The following PSMD6 variants were observed in gnomAD, a reference collection of about 807,000 sequenced individuals.
PSMD6 encodes the protein proteasome 26S subunit, non-ATPase 6, also known as 26S proteasome non-ATPase regulatory subunit 6.
Under a neutral mutation model 44.9 loss-of-function variants are expected in PSMD6, and 7 were observed. The ratio of observed to expected loss-of-function variants is 0.16; its 90% CI spans 0.09 to 0.29. PSMD6 has a LOEUF of 0.29. PSMD6 is among the 10% of genes least tolerant of loss of function. The pLI is 1.00. For missense variants in PSMD6, 420 were observed against 482.6 expected, an observed-to-expected ratio of 0.87 and a Z score of 1.21; for synonymous variants, 184 against 172.7, an observed-to-expected ratio of 1.07 and a Z score of -0.51.
chr3:64,018,214 C>T (rs2076077512), intron 5 of PSMD6: 3 of 158,402 alleles, frequency 1.9e-5, no homozygotes, highest in Admixed American at 6.2e-5. Context: ...CCATGAAGCT[C>T]AATACTTAAT....
Position 64,018,970 on chromosome 3 carries a change from C to T in PSMD6, c.565G>A (p.Val189Met), listed in dbSNP as rs779524584. The T allele has an allele frequency of 1.9e-6, 3 of 1,612,844 alleles. No individual in the cohort carries two copies. Among genetic ancestry groups the T allele is most frequent in the Non-Finnish European group, 2.5e-6 (3 of 1,178,898 alleles). Residue 189 changes from valine to methionine, a missense_variant, in exon 4 of 8, where the codon GTG becomes ATG. Physicochemically the swap from Val to Met is conservative, Grantham distance 21. Around this residue, in one of 4 missense-constraint regions of PSMD6, gnomAD observed 216 missense variants for 227.0 expected, o/e 0.95. Transcript: ENST00000295901. ...RLKVYQGLYCVAIRDFKQAAE... is the reference protein window; with the variant it reads ...RLKVYQGLYCMAIRDFKQAAE... Reference sequence around the variant, plus strand: ...GCCTGTTTGAAATCACGAATAGCCACACAATAAAGACCCTGATACACTTTT... The same window carrying T: ...GCCTGTTTGAAATCACGAATAGCCATACAATAAAGACCCTGATACACTTTT...
chr3:64,013,659 A>C (rs1312215950), intron 5 of PSMD6, 52 bp from the exon 6 acceptor site: 2 of 1,497,454 alleles, frequency 1.3e-6, no homozygotes, highest in African/African-American at 2.8e-5. Context: ...TCAGATAAAA[A>C]GATTAAAAAC....
chr3:64,013,631 T>TATA, intron 5 of PSMD6, 24 bp from the exon 6 acceptor site: 2 of 1,579,190 alleles, frequency 1.3e-6, no homozygotes, highest in East Asian at 2.3e-5. Context: ...AATGACAAAT[T>TATA]ATAATAGACT....
upstream of PSMD6, chr3:64,023,794 A>T (rs1275281870): frequency 6.8e-7 from 1 of 1,475,322 alleles, no homozygotes; most frequent in Admixed American, 2.0e-5. Context: ...AGCATTAATA[A>T]AAACAATCAC....
At position 64,013,588 on chromosome 3, in the gene PSMD6, C is replaced by A; in HGVS notation, c.846G>T (p.Met282Ile). The change falls in exon 6 of 8, where the codon ATG becomes ATT. Residue 282 changes from methionine (M) to isoleucine (I), a missense_variant. Physicochemically the swap from Met to Ile is conservative, Grantham distance 10. Around this residue, in one of 4 missense-constraint regions of PSMD6, gnomAD observed 216 missense variants for 227.0 expected, o/e 0.95. Coordinates refer to ENST00000295901, the MANE Select transcript of PSMD6 (RefSeq NM_014814.3). ...GAGGGGCAAAAAGCCAGTCCTTTTT[C>A]ATTTCCTGTTCCACAACCGCTGCAA... Reference protein sequence around the residue: ...FQSLAVVEQEMKKDWLFAPHY... With the variant: ...FQSLAVVEQEIKKDWLFAPHY... 2 of 1,608,036 alleles carry A rather than the reference C, an allele frequency of 1.2e-6. No homozygotes were observed. The highest frequency in any genetic ancestry group is 1.7e-6 in the Non-Finnish European group (2 of 1,178,094).
intron 5 of PSMD6, chr3:64,018,349 A>C (rs761437747): frequency 5.8e-5 from 19 of 329,564 alleles, no homozygotes; most frequent in Non-Finnish European, 1.1e-4. Context: ...GCTCTCCGTC[A>C]CATCCTCCTT....
chr3:64,022,880 C>G, intron 1 of PSMD6: 1 of 1,507,386 alleles, frequency 6.6e-7, no homozygotes, highest in Non-Finnish European at 8.9e-7. Context: ...ACAGAAGGGC[C>G]AGAAAGAACC....
At chr3:64,019,126 CT>C (rs1029711184) in intron 3 of PSMD6, 89 bp from the exon 4 acceptor site, 5 of 1,417,342 alleles carry the variant, frequency 3.5e-6, no homozygotes, top group Non-Finnish European at 4.9e-6. Context: ...GAGAAAACAA[CT>C]TTTAACAACT....
At chr3:64,023,905 A>G (rs567451198), upstream of PSMD6, 27 of 1,350,914 alleles carry the variant, frequency 2.0e-5, no homozygotes, top group South Asian at 3.1e-4. Flanking sequence ...CAAATGAGGC[A>G]CAAAGAGGTT....
intron 4 of PSMD6, 31 bp from the exon 5 acceptor site, chr3:64,018,738 A>AC: frequency 1.3e-6 from 2 of 1,522,058 alleles, no homozygotes; most frequent in South Asian, 2.4e-5. Context: ...ATATACAAAA[A>AC]AAATGTACAT....
rs141273600 is a variant in PSMD6, at chr3:64,019,313, G to A, written c.480C>T (p.Asn160=). The A allele has an allele frequency of 1.0e-5, 16 of 1,585,778 alleles. No individual in the cohort carries two copies. Among genetic ancestry groups the A allele is most frequent in the Middle Eastern group, 1.7e-4 (1 of 6,030 alleles). ...FYMDNDLITR[N]TEKAKSLIEE... ...GAAAGTACCTTTTGGCCTTTTCTGT[G>A]TTTCGTGTGATGAGATCATTATCCA... The change falls in exon 3 of 8, where the codon AAC becomes AAT. Residue 160 remains asparagine, a synonymous_variant. Coordinates refer to ENST00000295901, the MANE Select transcript of PSMD6 (RefSeq NM_014814.3).
Position 64,010,931 on chromosome 3 carries a change from G to T in PSMD6, c.1020C>A (p.Ala340=). The T allele has an allele frequency of 6.2e-7, 1 of 1,608,946 alleles. No homozygotes were observed. Among genetic ancestry groups the T allele is most frequent in the African/African-American group, 1.3e-5 (1 of 74,776 alleles). ...IDQELSRFIA[A]GRLHCKIDKV... is the part of the protein sequence containing the mutation. ...TATCTATTTTGCAGTGTAGTCTCCC[G>T]GCAGCAATAAACCTGGACAGTTCCC... The change falls in exon 7 of 8, where the codon GCC becomes GCA. Residue 340 remains alanine, a synonymous_variant. Transcript: ENST00000295901.
chr3:64,011,927 A>C (rs1046771383), intron 6 of PSMD6: 1 of 152,350 alleles, frequency 6.6e-6, no homozygotes, highest in Non-Finnish European at 1.5e-5. Flanking sequence ...ACACACTCAT[A>C]ATGCCCAGCC....
rs1234545357 is a variant in PSMD6 at position 64,023,332 on chromosome 3, C to T, written c.88G>A (p.Glu30Lys). ...AQLRFLLSLPEHRGDAAVRDE... is the reference protein window; with the variant it reads ...AQLRFLLSLPKHRGDAAVRDE... ...CGCACGGCAGCGTCTCCGCGGTGCT[C>T]GGGCAGGCTGAGCAGGAAGCGCAGC... Residue 30 changes from glutamate to lysine, a missense_variant, in exon 1 of 8, where the codon GAG (glutamate) becomes AAG (lysine). Around this residue, in one of 4 missense-constraint regions of PSMD6, gnomAD observed 136 missense variants for 124.2 expected, o/e 1.09. Coordinates refer to ENST00000295901, the MANE Select transcript of PSMD6 (RefSeq NM_014814.3). The T allele has an allele frequency of 8.1e-6, 13 of 1,604,994 alleles. No individual in the cohort carries two copies. Among genetic ancestry groups the T allele is most frequent in the Admixed American group, 1.7e-5 (1 of 58,862 alleles).
At chr3:64,019,255 T>C (rs758833914) in intron 3 of PSMD6, 41 bp downstream of exon 3, 27 of 1,533,304 alleles carry the variant, frequency 1.8e-5, no homozygotes, top group Non-Finnish European at 2.3e-5. Context: ...ATTTGTAGCA[T>C]CATAATTTAG....
rs1364249431 is a variant in PSMD6 at position 64,010,628 on chromosome 3, T to TAATTA, written c.*35_*39dup. 1 of 1,456,418 alleles carries TAATTA rather than the reference T, an allele frequency of 6.9e-7. No homozygotes were observed. The allele number at this position is 1,456,418 out of a possible 1,614,324, so 90.2% of individuals were successfully genotyped here. A position where few individuals can be genotyped will look rare whatever the true frequency, so the allele number is the denominator to read the frequency against. ...TGAAGTAAGCTATAAAAATTCCAAA[T>TAATTA]AATTATCTCTAAAGCAAATCCTTTG... On this transcript the variant is annotated 3_prime_UTR_variant, in exon 8 of 8. Coordinates refer to ENST00000295901, the MANE Select transcript of PSMD6 (RefSeq NM_014814.3).
At chr3:64,015,211 A>G (rs1008414436) in intron 5 of PSMD6, 1 of 152,230 alleles carries the variant, frequency 6.6e-6, no homozygotes, top group Non-Finnish European at 1.5e-5. Flanking sequence ...CTCAAATGCT[A>G]TAGATTGAGA....
At chr3:64,023,121 C>A in intron 1 of PSMD6, 154 bp downstream of exon 1, 1 of 1,425,062 alleles carries the variant, frequency 7.0e-7, no homozygotes, top group Admixed American at 3.0e-5. Flanking sequence ...ATCCCCAAAC[C>A]AAAGCAAAAC....
At chr3:64,023,223 G>A in intron 1 of PSMD6, 52 bp downstream of exon 1, 2 of 1,495,134 alleles carry the variant, frequency 1.3e-6, no homozygotes, top group South Asian at 1.2e-5. Flanking sequence ...GCTCCGGAAC[G>A]CGGGGACGGC....
Sources: allele counts gnomAD v4.1 joint callset, GRCh38; gene constraint gnomAD v4.1.1; regional missense constraint gnomAD v4.1.1; transcripts MANE v1.5; gene names NCBI Gene and HGNC (gene_info 2026-07-23, HGNC 2026-07-21).